DST: variants seen among roughly 807,000 people sequenced by gnomAD.
DST encodes the protein bullous pemphigoid antigen.
A neutral mutation model predicts 875.2 loss-of-function variants in DST; 253 were observed. That is an observed-to-expected ratio of 0.29 (90% confidence interval 0.26 to 0.32). The LOEUF (loss-of-function observed/expected upper bound fraction) is 0.32. Ranked by LOEUF, DST falls within the 10% of genes least tolerant of loss-of-function variation. The pLI, the probability that DST is intolerant of heterozygous loss-of-function variation, is 1.00. For missense variants in DST, 8,287 were observed against 9,111.6 expected (o/e 0.91, Z 3.68); for synonymous variants, 3,124 against 3,197.1 (o/e 0.98, Z 0.77).
intron 4 of DST, among the ~76,000 whole-genome samples, chr6:56,812,910 T>C (rs953078670): frequency 1.3e-5 from 2 of 151,960 alleles, no homozygotes; most frequent in African/African-American, 4.8e-5. Context: ...CTATAAATCA[T>C]GCTGCTATAA....
chr6:56,819,995 A>C (rs560967207), intron 4 of DST, among the ~76,000 whole-genome samples: 30 of 152,380 alleles, frequency 2.0e-4, no homozygotes, highest in Middle Eastern at 6.8e-3. Flanking sequence ...ACCATGAGTA[A>C]TTTACTTAAA....
At chr6:56,781,437 C>T (rs372548698) in intron 4 of DST, among the ~76,000 whole-genome samples, 117 of 152,274 alleles carry the variant, frequency 7.7e-4, no homozygotes, top group African/African-American at 2.6e-3. Context: ...AGGTCCTTCA[C>T]GTCCCTTGTA....
rs1419956782 is a variant in DST at position 56,600,136 on chromosome 6, C to T, written c.11627G>A (p.Gly3876Asp). The change falls in exon 45 of 104, where the codon GGT becomes GAT. Residue 3876 changes from glycine (G) to aspartate (D), a missense_variant. Physicochemically the swap from Gly to Asp is moderately conservative, Grantham distance 94. Coordinates refer to ENST00000680361, the MANE Select transcript of DST (RefSeq NM_001374736.1). ...LLTQTENRLI[G>D]HQEAFMIGDG... is the part of the protein sequence containing the mutation. Reference sequence around the variant, plus strand: ...TCCAATCATGAAGGCTTCTTGGTGACCAATTAGGCGGTTTTCAGTTTGGGT... The same window carrying T: ...TCCAATCATGAAGGCTTCTTGGTGATCAATTAGGCGGTTTTCAGTTTGGGT... 6.2e-7 allele frequency: 1 copy of T among 1,612,970 alleles called. No homozygotes were observed. Among genetic ancestry groups the T allele is most frequent in the South Asian group, 1.1e-5 (1 of 91,002 alleles).
At position 56,604,897 on chromosome 6, in the gene DST, C is replaced by A; in HGVS notation, c.9731G>T (p.Ser3244Ile). ...KDSPLNDMIQ[S>I]NDLCSKESIS... ...GCTTTCTTTACTACAAAGATCATTG[C>A]TTTGGATCATGTCATTAAGAGGTGA... is the stretch of plus-strand genomic sequence containing the variant. Residue 3244 changes from serine (S) to isoleucine (I), a missense_variant, in exon 40 of 104, where the codon AGC becomes ATC. Transcript: ENST00000680361. 6.2e-7 allele frequency: 1 copy of A among 1,612,564 alleles called. No homozygotes were observed. Among genetic ancestry groups the A allele is most frequent in the Non-Finnish European group, 8.5e-7 (1 of 1,179,250 alleles).
At chr6:56,823,084 C>T (rs939692182) in intron 4 of DST, among the ~76,000 whole-genome samples, 5 of 152,074 alleles carry the variant, frequency 3.3e-5, no homozygotes, top group African/African-American at 7.2e-5. Flanking sequence ...CCACCTGCCT[C>T]GACCTCCCAA....
chr6:56,738,209 T>A (rs1220914018), intron 4 of DST, among the ~76,000 whole-genome samples: 1 of 152,252 alleles, frequency 6.6e-6, no homozygotes, highest in Non-Finnish European at 1.5e-5. Context: ...ACCTTTTCAG[T>A]GCCCCCAACT....
intron 3 of DST, among the ~76,000 whole-genome samples, chr6:56,876,814 A>C (rs991085753): frequency 2.6e-5 from 4 of 152,012 alleles, no homozygotes; most frequent in Non-Finnish European, 5.9e-5. Context: ...CCTCACCTGC[A>C]CTCTGTCCAG....
At chr6:56,575,415 TCTG>T (rs1562904929) in intron 50 of DST, among the ~76,000 whole-genome samples, 1 of 152,190 alleles carries the variant, frequency 6.6e-6, no homozygotes, top group African/African-American at 2.4e-5. Flanking sequence ...GAGCACATGC[TCTG>T]AATGGCAGCT....
chr6:56,564,331 T>C (rs925732089), intron 55 of DST, among the ~76,000 whole-genome samples: 7 of 152,214 alleles, frequency 4.6e-5, no homozygotes, highest in African/African-American at 9.7e-5. Context: ...TTATTCTCTT[T>C]GTAGCGATTG....
At chr6:56,743,033 C>T (rs1188450107) in intron 4 of DST, among the ~76,000 whole-genome samples, 1 of 152,108 alleles carries the variant, frequency 6.6e-6, no homozygotes, top group Non-Finnish European at 1.5e-5. Context: ...TGATTCTAAA[C>T]GTTTATGTCA....
rs2095184213 is a variant in DST at position 56,476,280 on chromosome 6, T to C, written c.21733A>G (p.Ile7245Val). The C allele has an allele frequency of 6.2e-7, 1 of 1,608,716 alleles. No individual in the cohort carries two copies. Among genetic ancestry groups the C allele is most frequent in the Non-Finnish European group, 8.5e-7 (1 of 1,177,134 alleles). ...QRLASALAGL[I>V]AKQELLEALL... ...GCTTCCAACAATTCCTGTTTGGCAA[T>C]AAGCCCAGCCAGAGCACTTGCTAAT... Residue 7245 changes from isoleucine (I) to valine (V), a missense_variant, in exon 92 of 104, where the codon ATT becomes GTT. Ile to Val is a conservative substitution (Grantham distance 29). This residue lies in a region of DST where 1,292 missense variants were observed against 1,552.7 expected (regional missense o/e 0.83). Coordinates refer to ENST00000680361, the MANE Select transcript of DST (RefSeq NM_001374736.1).
chr6:56,752,931 A>C (rs2099591973), intron 4 of DST, among the ~76,000 whole-genome samples: 2 of 152,228 alleles, frequency 1.3e-5, no homozygotes, highest in South Asian at 4.2e-4. Context: ...AGCTGGGATT[A>C]CAGACATGCA....
rs564376654 is a variant in DST at position 56,929,549 on chromosome 6, A to C, written c.216+24236T>G. 2.6e-5 allele frequency among the ~76,000 whole-genome samples: 4 copies of C among 152,292 alleles called. No individual in the cohort carries two copies. In the South Asian group the frequency reaches 8.3e-4, roughly 32 times the overall value. ...TAATGAAAGGATTTAAGAGAAACTA[A>C]GAATAGTCATTACTTAGATTTCCTC... On this transcript the variant is annotated intron_variant, in intron 2 of 103. Transcript: ENST00000680361.
At chr6:56,626,767 T>C (rs116064456) in intron 34 of DST, among the ~76,000 whole-genome samples, 1,665 of 152,230 alleles carry the variant, frequency 0.011, 28 homozygotes, top group African/African-American at 0.038. Flanking sequence ...AACAATAGTG[T>C]AGCCCTATGC....
chr6:56,721,258 C>T (rs181542134), intron 5 of DST, among the ~76,000 whole-genome samples: 36 of 152,306 alleles, frequency 2.4e-4, no homozygotes, highest in African/African-American at 8.7e-4. Flanking sequence ...TTCAACATGC[C>T]CAGATTTCAT....
intron 93 of DST, among the ~76,000 whole-genome samples, chr6:56,472,780 T>C (rs911543896): frequency 2.0e-5 from 3 of 152,238 alleles, no homozygotes; most frequent in African/African-American, 7.2e-5. Context: ...TGAGATTGCA[T>C]GTTTCCTGTG....
chr6:56,742,404 TCCTG>T, intron 4 of DST: 1 of 1,255,570 alleles, frequency 8.0e-7, no homozygotes, highest in Non-Finnish European at 1.0e-6. Context: ...TGTGTCAGAG[TCCTG>T]TTAACTTTCT....
chr6:56,515,657 G>C lies in DST; in HGVS notation c.18369C>G (p.Asp6123Glu). Reference sequence around the variant, plus strand: ...TGGTATCATAGTTCTTCAGTACCTTGTCCAGTTTTTTCTAGAAAATAAAAG... The same window carrying C: ...TGGTATCATAGTTCTTCAGTACCTTCTCCAGTTTTTTCTAGAAAATAAAAG... ...EEKQSMKKKL[D>E]KVLKNYDTIC... The change falls in exon 72 of 104, where the codon GAC becomes GAG. Residue 6123 changes from aspartate (D) to glutamate (E), a missense_variant. Transcript: ENST00000680361. 6.2e-7 allele frequency: 1 copy of C among 1,600,944 alleles called. No individual in the cohort carries two copies. The highest frequency in any genetic ancestry group is 8.5e-7 in the Non-Finnish European group (1 of 1,172,664).
chr6:56,642,175 T>C (rs1563405084), intron 16 of DST, 74 bp from the exon 17 acceptor site: 1 of 1,270,936 alleles, frequency 7.9e-7, no homozygotes. Context: ...AAACATCAAA[T>C]ATTGGAACAG....
Sources: allele counts gnomAD v4.1 joint callset (sites outside exome capture counted in the v4.1 genomes callset), GRCh38; gene constraint gnomAD v4.1.1; regional missense constraint gnomAD v4.1.1; transcripts MANE v1.5; gene names NCBI Gene and HGNC (gene_info 2026-07-23, HGNC 2026-07-21).